The following GAREM1 variants were observed in gnomAD, a reference collection of about 807,000 sequenced individuals.
GAREM1 encodes GRB2 associated regulator of MAPK1 subtype 1, also known as GRB2-associated and regulator of MAPK protein 1.
In GAREM1, 26 loss-of-function variants were observed where a neutral mutation model predicts 71.3. The observed-to-expected ratio is 0.36, with a 90% CI of 0.27 to 0.51. GAREM1 has a LOEUF of 0.51. Ranked by LOEUF, GAREM1 falls within the 20% of genes least tolerant of loss-of-function variation. The pLI, the probability that GAREM1 is intolerant of heterozygous loss-of-function variation, is 0.95. For missense variants in GAREM1, 1,026 were observed against 1,103.1 expected, an observed-to-expected ratio of 0.93 and a Z score of 0.99; for synonymous variants, 440 against 433.2, an observed-to-expected ratio of 1.02 and a Z score of -0.20.
At chr18:32,355,828 C>A (rs531390726) in intron 2 of GAREM1, among the ~76,000 whole-genome samples, 1 of 152,196 alleles carries the variant, frequency 6.6e-6, no homozygotes. Flanking sequence ...TAGGTCAATA[C>A]AATCATTGGA....
chr18:32,292,993 G>T (rs1388254323), intron 3 of GAREM1, among the ~76,000 whole-genome samples: 1 of 152,138 alleles, frequency 6.6e-6, no homozygotes, highest in East Asian at 1.9e-4. Context: ...GAGTTACAGA[G>T]ATTGCATTTT....
At chr18:32,462,644 G>A (rs1313079277) in intron 1 of GAREM1, among the ~76,000 whole-genome samples, 1 of 152,094 alleles carries the variant, frequency 6.6e-6, no homozygotes, top group Non-Finnish European at 1.5e-5. Context: ...TTTTGCTTTT[G>A]TTGCCTATGT....
At chr18:32,379,914 T>A (rs1414611483) in intron 2 of GAREM1, among the ~76,000 whole-genome samples, 1 of 152,156 alleles carries the variant, frequency 6.6e-6, no homozygotes, top group African/African-American at 2.4e-5. Context: ...AGGTTTGTAA[T>A]GTTGTTTTAA....
chr18:32,291,658 C>A lies in GAREM1; in HGVS notation c.394-3455G>T, dbSNP rs946846765. Among the ~76,000 whole-genome samples, 6 of 152,074 alleles carry A rather than the reference C, an allele frequency of 3.9e-5. 1 individual carries two copies. The South Asian group carries it at 1.0e-3, about 26-fold the overall frequency. On this transcript the variant is annotated intron_variant, in intron 3 of 5. Transcript: ENST00000269209. ...CTTCTCTCCCTTAGCCCCCCACCCC[C>A]CAACAGGCCCCGGTGTGTGATGTTC...
intron 1 of GAREM1, among the ~76,000 whole-genome samples, chr18:32,441,966 T>C (rs1327096604): frequency 6.6e-6 from 1 of 151,452 alleles, no homozygotes; most frequent in African/African-American, 2.4e-5. Flanking sequence ...GCTGCTTCCA[T>C]CCATAATCAA....
At chr18:32,441,851 A>G (rs2048741097) in intron 1 of GAREM1, among the ~76,000 whole-genome samples, 2 of 152,122 alleles carry the variant, frequency 1.3e-5, no homozygotes, top group South Asian at 4.1e-4. Flanking sequence ...AATACAGCAA[A>G]CTTCCTATCC....
intron 1 of GAREM1, among the ~76,000 whole-genome samples, chr18:32,399,525 G>A (rs1489351714): frequency 1.3e-5 from 2 of 151,970 alleles, no homozygotes; most frequent in Non-Finnish European, 2.9e-5. Flanking sequence ...TTATACAACA[G>A]TAACAGACAA....
intron 3 of GAREM1, among the ~76,000 whole-genome samples, chr18:32,305,304 C>A (rs955580323): frequency 3.3e-5 from 5 of 152,068 alleles, no homozygotes; most frequent in African/African-American, 1.2e-4. Context: ...TTCTACCACC[C>A]CAGCTGCTCA....
At position 32,287,107 on chromosome 18, in the gene GAREM1, G is replaced by A. The variant is rs1464925351; in HGVS notation, c.1490C>T (p.Pro497Leu). ...SKCATSPLPI[P>L]GTLGAAVKSS... ...CTTCACTGCTGCTCCCAGAGTCCCAGGGATGGGAAGAGGAGAAGTCGCACA... is the reference window on the plus strand; with the variant it reads ...CTTCACTGCTGCTCCCAGAGTCCCAAGGATGGGAAGAGGAGAAGTCGCACA... Residue 497 changes from proline (P) to leucine (L), a missense_variant, in exon 4 of 6, where the codon CCT becomes CTT. Pro to Leu is a moderately conservative substitution (Grantham distance 98). Around this residue, in one of 3 missense-constraint regions of GAREM1, gnomAD observed 636 missense variants for 631.2 expected, o/e 1.01. Coordinates refer to ENST00000269209, the MANE Select transcript of GAREM1 (RefSeq NM_001242409.2). The surrounding 1 kb of genome is among the most constrained non-coding windows in gnomAD (Gnocchi z 5.9). The A allele has an allele frequency of 1.2e-6, 2 of 1,614,042 alleles. No homozygotes were observed.
intron 1 of GAREM1, among the ~76,000 whole-genome samples, chr18:32,399,257 G>A (rs1303469707): frequency 6.6e-6 from 1 of 152,114 alleles, no homozygotes; most frequent in Non-Finnish European, 1.5e-5. Context: ...TTTGAAAACT[G>A]GCACAAGACA....
At position 32,371,409 on chromosome 18, in the gene GAREM1, G is replaced by A. The variant is rs536872139; in HGVS notation, c.262+21486C>T. Among the ~76,000 whole-genome samples the A allele has an allele frequency of 2.6e-5, 4 of 152,272 alleles. No individual in the cohort carries two copies. In the South Asian group the frequency reaches 8.3e-4, roughly 32 times the overall value. The stretch of plus-strand genomic sequence containing the variant: ...GAACAAAACTGGAGGCAGTTAAAAG[G>A]CCCCTATAAGTGAAAAATGAAAAGA... On this transcript the variant is annotated intron_variant, in intron 2 of 5. Coordinates refer to ENST00000269209, the MANE Select transcript of GAREM1 (RefSeq NM_001242409.2).
intron 2 of GAREM1, among the ~76,000 whole-genome samples, chr18:32,388,738 G>A (rs143679545): frequency 6.6e-6 from 1 of 152,244 alleles, no homozygotes; most frequent in East Asian, 1.9e-4. Context: ...AGACAAAGAC[G>A]GCTGAGGAAC....
chr18:32,450,877 TC>T (rs2048830599), intron 1 of GAREM1, among the ~76,000 whole-genome samples: 1 of 148,140 alleles, frequency 6.8e-6, no homozygotes, highest in Non-Finnish European at 1.5e-5. Flanking sequence ...ATTCTGTCTT[TC>T]CTCAACAGCT....
chr18:32,420,638 G>A lies in GAREM1; in HGVS notation c.122-27603C>T, dbSNP rs921141621. The stretch of plus-strand genomic sequence containing the variant: ...TGCAAAGAACAGAATCCCGGCTGAC[G>A]CAGTGGCTCATGCCTGTATTCCAAT... On this transcript the variant is annotated intron_variant, in intron 1 of 5. Coordinates refer to ENST00000269209, the MANE Select transcript of GAREM1 (RefSeq NM_001242409.2). Among the ~76,000 whole-genome samples, 11 of 152,044 alleles carry A rather than the reference G, an allele frequency of 7.2e-5. No homozygotes were observed. In the East Asian group the frequency reaches 9.7e-4, roughly 13 times the overall value.
chr18:32,268,504 T>C lies in GAREM1; in HGVS notation c.1998A>G (p.Pro666=), dbSNP rs762848394. ...CACAGCCATCAAAATCAAAAGGTGC[T>C]GGGCAGTTTCTCTTTGGTGTGCCTG... ...KTPGTPKRNC[P]APFDFDGCEL... The change falls in exon 6 of 6, where the codon CCA becomes CCG. Residue 666 remains proline (P), a synonymous_variant. Transcript: ENST00000269209. 2 of 1,614,208 alleles carry C rather than the reference T, an allele frequency of 1.2e-6. No individual in the cohort carries two copies. Among genetic ancestry groups the C allele is most frequent in the Non-Finnish European group, 1.7e-6 (2 of 1,180,030 alleles).
chr18:32,298,686 A>C (rs2047167553), intron 3 of GAREM1, among the ~76,000 whole-genome samples: 1 of 152,312 alleles, frequency 6.6e-6, no homozygotes, highest in South Asian at 2.1e-4. Flanking sequence ...AGGTTCTGGC[A>C]ATAGGAAATC....
chr18:32,292,971 T>C (rs1365276989), intron 3 of GAREM1, among the ~76,000 whole-genome samples: 2 of 152,094 alleles, frequency 1.3e-5, no homozygotes, highest in Non-Finnish European at 2.9e-5. Context: ...GCTAAATATA[T>C]TGATGTCTTG....
chr18:32,361,395 CAA>C (rs2144610146), intron 2 of GAREM1, among the ~76,000 whole-genome samples: 1 of 152,262 alleles, frequency 6.6e-6, no homozygotes, highest in Non-Finnish European at 1.5e-5. Flanking sequence ...CAAAATAAAA[CAA>C]AATCCAAAAT....
chr18:32,311,649 A>C (rs569752568), intron 2 of GAREM1, among the ~76,000 whole-genome samples: 1 of 152,208 alleles, frequency 6.6e-6, no homozygotes, highest in Non-Finnish European at 1.5e-5. Context: ...TCGGAATTCT[A>C]AGACTAGGCA....
Sources: allele counts gnomAD v4.1 joint callset (sites outside exome capture counted in the v4.1 genomes callset), GRCh38; gene constraint gnomAD v4.1.1; regional missense constraint gnomAD v4.1.1; non-coding constraint Gnocchi (gnomAD v3.1); transcripts MANE v1.5; gene names NCBI Gene and HGNC (gene_info 2026-07-23, HGNC 2026-07-21).